ACYP2: variants seen among roughly 807,000 people sequenced by gnomAD.
ACYP2 encodes the protein acylphosphatase-2.
Under a neutral mutation model 11.2 loss-of-function variants are expected in ACYP2, and 12 were observed. That is an observed-to-expected ratio of 1.08 (90% CI 0.69 to 1.74). The LOEUF is 1.74. Ranked by LOEUF, ACYP2 falls within the 40% of genes most tolerant of loss-of-function variation. The pLI is 0.00. For missense variants in ACYP2, 134 were observed against 101.9 expected (o/e 1.31, Z -1.35); for synonymous variants, 43 against 32.2 (o/e 1.33, Z -1.13).
intron 6 of ACYP2, among the ~76,000 whole-genome samples, chr2:54,215,664 G>T (rs1299587131): frequency 6.6e-6 from 1 of 151,976 alleles, no homozygotes; most frequent in African/African-American, 2.4e-5. Context: ...TTATAACAAG[G>T]TATATAATTT....
At chr2:54,048,408 G>A (rs1174734311) in intron 2 of ACYP2, among the ~76,000 whole-genome samples, 1 of 152,120 alleles carries the variant, frequency 6.6e-6, no homozygotes, top group African/African-American at 2.4e-5. Flanking sequence ...CCTGAGTGAT[G>A]GAGTGAGTTT....
intron 4 of ACYP2, among the ~76,000 whole-genome samples, chr2:54,127,989 G>A (rs751767594): frequency 1.3e-5 from 2 of 151,982 alleles, no homozygotes; most frequent in Non-Finnish European, 2.9e-5. Context: ...TATGATTTGG[G>A]GATTCAGTTG....
At position 54,304,778 on chromosome 2, in the gene ACYP2, C is replaced by T. The variant is rs1176086726; in HGVS notation, c.495C>T (p.Tyr165=). ...AAAAAACCATCTCTAAGCTTGAATA[C>T]TCTAATTTTAGTATTAGATACTAAT... Residue 165 remains tyrosine (Y), a synonymous_variant, in exon 7 of 7, where the codon TAC becomes TAT. Transcript: ENST00000607452. 1 of 1,607,842 alleles carries T rather than the reference C, an allele frequency of 6.2e-7. No homozygotes were observed. Among genetic ancestry groups the T allele is most frequent in the Non-Finnish European group, 8.5e-7 (1 of 1,176,378 alleles).
chr2:54,290,902 G>A (rs1319022685), intron 6 of ACYP2, among the ~76,000 whole-genome samples: 3 of 152,180 alleles, frequency 2.0e-5, no homozygotes, highest in Non-Finnish European at 4.4e-5. Context: ...GTAAATATTG[G>A]AAGGCATTGA....
chr2:54,186,666 A>C (rs1684015433), intron 6 of ACYP2, among the ~76,000 whole-genome samples: 2 of 151,978 alleles, frequency 1.3e-5, no homozygotes, highest in African/African-American at 4.8e-5. Flanking sequence ...GGTGCCCGTC[A>C]CCATGCCTGG....
chr2:54,015,398 C>A (rs946062132), intron 2 of ACYP2, among the ~76,000 whole-genome samples: 1 of 151,224 alleles, frequency 6.6e-6, no homozygotes, highest in African/African-American at 2.4e-5. Context: ...ATCCCAGCTA[C>A]GTGGGAGGCT....
At chr2:54,192,192 G>A (rs1287990995) in intron 6 of ACYP2, among the ~76,000 whole-genome samples, 3 of 152,034 alleles carry the variant, frequency 2.0e-5, no homozygotes, top group South Asian at 2.1e-4. Context: ...ATCAGTGTAC[G>A]GAAGCCAGCT....
intron 4 of ACYP2, chr2:54,080,476 T>C (rs963485494): frequency 1.3e-5 from 2 of 152,368 alleles, no homozygotes; most frequent in Admixed American, 6.6e-5. Flanking sequence ...TTGATCAAAA[T>C]TTGTGGGTTT....
At chr2:54,023,971 C>T (rs969519684) in intron 2 of ACYP2, among the ~76,000 whole-genome samples, 1 of 152,054 alleles carries the variant, frequency 6.6e-6, no homozygotes, top group African/African-American at 2.4e-5. Context: ...AAAACCCAAA[C>T]CAGGAAAGGA....
intron 6 of ACYP2, among the ~76,000 whole-genome samples, chr2:54,163,825 C>T (rs1232775474): frequency 6.6e-6 from 1 of 151,956 alleles, no homozygotes; most frequent in Non-Finnish European, 1.5e-5. Flanking sequence ...CATTGCACTC[C>T]AGCCTGGCCA....
intron 6 of ACYP2, among the ~76,000 whole-genome samples, chr2:54,284,292 T>G (rs971491611): frequency 6.6e-6 from 1 of 152,212 alleles, no homozygotes; most frequent in Non-Finnish European, 1.5e-5. Context: ...CTTTCTCCCA[T>G]GGAGCCTGGA....
chr2:54,217,543 G>A (rs949272385), intron 6 of ACYP2, among the ~76,000 whole-genome samples: 1 of 140,740 alleles, frequency 7.1e-6, no homozygotes, highest in African/African-American at 2.5e-5. Flanking sequence ...TTTTTTTTTT[G>A]TATTTTTTTG....
chr2:54,051,366 T>C (rs763203988), intron 3 of ACYP2: 2 of 757,268 alleles, frequency 2.6e-6, no homozygotes, highest in Non-Finnish European at 4.9e-6. Context: ...AGACCATGTC[T>C]GCTAAAGAGA....
intron 2 of ACYP2, among the ~76,000 whole-genome samples, chr2:54,024,489 A>G (rs1401024783): frequency 6.6e-6 from 1 of 152,216 alleles, no homozygotes; most frequent in African/African-American, 2.4e-5. Context: ...AACAAAAACC[A>G]CGTGATCATC....
chr2:54,177,834 C>T (rs1323885813), intron 6 of ACYP2, among the ~76,000 whole-genome samples: 4 of 151,496 alleles, frequency 2.6e-5, no homozygotes, highest in Non-Finnish European at 5.9e-5. Flanking sequence ...CCCCACTCGG[C>T]CTCCCAGAGT....
At chr2:54,147,777 G>A (rs568922500) in intron 6 of ACYP2, among the ~76,000 whole-genome samples, 38 of 152,064 alleles carry the variant, frequency 2.5e-4, no homozygotes, top group African/African-American at 8.7e-4. Context: ...CTTCTGCCTC[G>A]GCTTCCCAAA....
At chr2:54,026,874 A>G (rs1219619066) in intron 2 of ACYP2, among the ~76,000 whole-genome samples, 2 of 148,590 alleles carry the variant, frequency 1.3e-5, no homozygotes, top group Non-Finnish European at 3.0e-5. Flanking sequence ...CAAAGGCATA[A>G]GAATGATACA....
chr2:53,984,037 T>C (rs571521233), intron 2 of ACYP2, among the ~76,000 whole-genome samples: 15 of 152,212 alleles, frequency 9.9e-5, no homozygotes, highest in African/African-American at 3.4e-4. Context: ...ACAAGGAGGC[T>C]TGTGGTTTAG....
At chr2:54,254,817 A>T in intron 6 of ACYP2, 1 of 1,205,118 alleles carries the variant, frequency 8.3e-7, no homozygotes, top group Non-Finnish European at 1.2e-6. Context: ...CAGGAAAGTC[A>T]GAACAAAAAA....
Sources: allele counts gnomAD v4.1 joint callset (sites outside exome capture counted in the v4.1 genomes callset), GRCh38; gene constraint gnomAD v4.1.1; transcripts MANE v1.5; gene names NCBI Gene and HGNC (gene_info 2026-07-23, HGNC 2026-07-21).